CCDC7: variants seen among roughly 807,000 people sequenced by gnomAD.
The protein encoded by CCDC7 is coiled-coil domain containing 7, also known as coiled-coil domain-containing protein 7.
In CCDC7, 183 loss-of-function variants were observed where a neutral mutation model predicts 196.9. That is an observed-to-expected ratio of 0.93 (90% CI 0.82 to 1.05). The LOEUF (loss-of-function observed/expected upper bound fraction) is 1.05. Ranked by LOEUF, CCDC7 falls within the 50% of genes least tolerant of loss-of-function variation. The pLI is 0.00. For missense variants in CCDC7, 1,540 were observed against 1,482.2 expected, an observed-to-expected ratio of 1.04 and a Z score of -0.64; for synonymous variants, 525 against 484.6, an observed-to-expected ratio of 1.08 and a Z score of -1.10.
chr10:32,832,890 A>G (rs1456000819), intron 32 of CCDC7, among the ~76,000 whole-genome samples: 1 of 152,146 alleles, frequency 6.6e-6, no homozygotes, highest in African/African-American at 2.4e-5. Flanking sequence ...CATAATAGAT[A>G]TGTAATAGGC....
At chr10:32,515,056 C>G (rs1250274908) in intron 9 of CCDC7, among the ~76,000 whole-genome samples, 1 of 152,118 alleles carries the variant, frequency 6.6e-6, no homozygotes, top group Non-Finnish European at 1.5e-5. Flanking sequence ...GAACTCCAGG[C>G]TTCAAGTGAT....
intron 5 of CCDC7, among the ~76,000 whole-genome samples, chr10:32,465,339 A>G (rs1471363342): frequency 6.6e-6 from 1 of 152,158 alleles, no homozygotes; most frequent in Admixed American, 6.5e-5. Context: ...CTTACTTCCC[A>G]AACATTTCTC....
intron 29 of CCDC7, among the ~76,000 whole-genome samples, chr10:32,802,313 C>T (rs187793358): frequency 6.6e-6 from 1 of 152,306 alleles, no homozygotes; most frequent in Non-Finnish European, 1.5e-5. Flanking sequence ...CCTTGCATCT[C>T]TTGAGCAGTG....
At chr10:32,646,437 C>T (rs933265047) in intron 20 of CCDC7, among the ~76,000 whole-genome samples, 2 of 151,776 alleles carry the variant, frequency 1.3e-5, no homozygotes, top group Non-Finnish European at 2.9e-5. Context: ...CTTGTTTTGT[C>T]GCCTAATATA....
At chr10:32,649,268 A>G (rs537023211) in intron 20 of CCDC7, among the ~76,000 whole-genome samples, 3 of 152,294 alleles carry the variant, frequency 2.0e-5, no homozygotes, top group South Asian at 2.1e-4. Context: ...ACATTTAGCT[A>G]TGTAACAAAC....
chr10:32,479,782 A>T (rs2039630525), intron 8 of CCDC7, among the ~76,000 whole-genome samples: 2 of 151,860 alleles, frequency 1.3e-5, no homozygotes, highest in South Asian at 4.2e-4. Flanking sequence ...GGATTCTACT[A>T]GTTCTTTAAA....
chr10:32,724,147 C>T (rs751040686), intron 25 of CCDC7, among the ~76,000 whole-genome samples: 5 of 152,078 alleles, frequency 3.3e-5, no homozygotes, highest in African/African-American at 4.8e-5. Context: ...CAAAAGCACT[C>T]CCAGGGCCCA....
chr10:32,706,585 A>G (rs183165309), intron 24 of CCDC7, among the ~76,000 whole-genome samples: 1 of 151,882 alleles, frequency 6.6e-6, no homozygotes, highest in African/African-American at 2.4e-5. Context: ...AGACTAATAA[A>G]GAAGAAAAGA....
intron 26 of CCDC7, among the ~76,000 whole-genome samples, chr10:32,727,776 A>G (rs2083341448): frequency 6.6e-6 from 1 of 152,130 alleles, no homozygotes; most frequent in Non-Finnish European, 1.5e-5. Flanking sequence ...TTTTTCAGTT[A>G]AGTTCTGGAT....
At chr10:32,558,292 A>G (rs138203532) in intron 13 of CCDC7, among the ~76,000 whole-genome samples, 2 of 152,280 alleles carry the variant, frequency 1.3e-5, no homozygotes, top group African/African-American at 4.8e-5. Context: ...TCTTTAATAT[A>G]TAATTAACAC....
chr10:32,555,896 C>G (rs2054266474), intron 13 of CCDC7, among the ~76,000 whole-genome samples: 1 of 152,154 alleles, frequency 6.6e-6, no homozygotes, highest in South Asian at 2.1e-4. Context: ...GCTGGGACAT[C>G]TGGGACAGGT....
chr10:32,470,595 T>A (rs2947067), intron 5 of CCDC7, among the ~76,000 whole-genome samples: 21,002 of 152,164 alleles, frequency 0.14, 1,756 homozygotes, highest in East Asian at 0.25. Context: ...GTCTTCCCCA[T>A]GCAGACTGGA....
chr10:32,830,125 T>TATATAC (rs2091975343), intron 32 of CCDC7, among the ~76,000 whole-genome samples: 1 of 103,442 alleles, frequency 9.7e-6, no homozygotes, highest in South Asian at 3.4e-4. Flanking sequence ...TATAAGGATA[T>TATATAC]ATATATATAT....
chr10:32,637,622 G>A (rs2065893590), intron 20 of CCDC7, among the ~76,000 whole-genome samples: 1 of 152,120 alleles, frequency 6.6e-6, no homozygotes, highest in Non-Finnish European at 1.5e-5. Context: ...ATGCTCTTTT[G>A]GTTACTGTAG....
At chr10:32,828,101 A>G (rs959972213) in intron 32 of CCDC7, among the ~76,000 whole-genome samples, 3 of 152,184 alleles carry the variant, frequency 2.0e-5, no homozygotes, top group African/African-American at 7.2e-5. Context: ...AAGTCTTTAG[A>G]CAAAGCTTAA....
At chr10:32,450,431 T>C (rs909035972), upstream of CCDC7, among the ~76,000 whole-genome samples, 6 of 152,336 alleles carry the variant, frequency 3.9e-5, no homozygotes, top group Non-Finnish European at 5.9e-5. Flanking sequence ...GACTTGAACA[T>C]ATCTTTTTCA....
chr10:32,729,353 A>G, exon 28 of CCDC7: 2 of 1,562,142 alleles, frequency 1.3e-6, no homozygotes, highest in South Asian at 2.5e-5. Flanking sequence ...GAAATCAAAA[A>G]AAAGGATATA....
chr10:32,623,963 T>C, intron 18 of CCDC7: 1 of 288,204 alleles, frequency 3.5e-6, no homozygotes, highest in Non-Finnish European at 7.1e-6. Context: ...TCCAAACACC[T>C]CCCACCGGGC....
At chr10:32,547,851 G>T (rs977881774) in intron 13 of CCDC7, among the ~76,000 whole-genome samples, 2 of 152,024 alleles carry the variant, frequency 1.3e-5, no homozygotes, top group African/African-American at 4.8e-5. Flanking sequence ...ACATGAGTAA[G>T]TTCTTTAGCA....
Sources: allele counts gnomAD v4.1 joint callset (sites outside exome capture counted in the v4.1 genomes callset), GRCh38; gene constraint gnomAD v4.1.1; transcripts MANE v1.5; gene names NCBI Gene and HGNC (gene_info 2026-07-23, HGNC 2026-07-21).